The following CLSTN1 variants were observed in gnomAD, a reference collection of about 807,000 sequenced individuals.
CLSTN1 encodes calsyntenin-1.
In CLSTN1, 28 loss-of-function variants were observed where a neutral mutation model predicts 108.3. The ratio of observed to expected loss-of-function variants is 0.26; its 90% CI spans 0.19 to 0.35. CLSTN1 has a LOEUF of 0.35. Among genes scored for constraint, CLSTN1 ranks in the 10% least tolerant of loss-of-function variants. The probability of loss-of-function intolerance (pLI) is 1.00; values close to 1 mark genes in which losing one functional copy is unlikely to be tolerated. For missense variants in CLSTN1, 1,157 were observed against 1,302.6 expected, an observed-to-expected ratio of 0.89 and a Z score of 1.72; for synonymous variants, 524 against 534.9, an observed-to-expected ratio of 0.98 and a Z score of 0.28.
intron 1 of CLSTN1, among the ~76,000 whole-genome samples, chr1:9,806,076 G>T (rs1316487520): frequency 6.6e-6 from 1 of 151,898 alleles, no homozygotes; most frequent in Non-Finnish European, 1.5e-5. Context: ...GATCGCTTGA[G>T]GTCAGGAGTT....
chr1:9,820,713 C>T (rs1003430530), intron 1 of CLSTN1, among the ~76,000 whole-genome samples: 1 of 151,974 alleles, frequency 6.6e-6, no homozygotes. Flanking sequence ...GTGCTGGTGA[C>T]GGGAAACATA....
intron 1 of CLSTN1, among the ~76,000 whole-genome samples, chr1:9,792,689 G>T (rs1653821979): frequency 1.3e-5 from 2 of 151,560 alleles, no homozygotes; most frequent in East Asian, 2.0e-4. Context: ...GAATACCCCA[G>T]AGAGGATGCG....
chr1:9,813,828 G>A (rs547772877), intron 1 of CLSTN1, among the ~76,000 whole-genome samples: 25 of 152,048 alleles, frequency 1.6e-4, no homozygotes, highest in African/African-American at 5.5e-4. Context: ...GGCTGGGCGC[G>A]GTGGCTCGCA....
At chr1:9,805,584 A>G (rs567268702) in intron 1 of CLSTN1, among the ~76,000 whole-genome samples, 17 of 152,292 alleles carry the variant, frequency 1.1e-4, no homozygotes, top group Admixed American at 9.8e-4. Context: ...TGTGTTATTT[A>G]GGTTGGGCAC....
intron 1 of CLSTN1, among the ~76,000 whole-genome samples, chr1:9,806,191 G>A (rs1412520389): frequency 2.0e-5 from 3 of 151,640 alleles, no homozygotes; most frequent in Admixed American, 1.3e-4. Flanking sequence ...TCCAGAGGCT[G>A]AGGCAGGAGA....
intron 1 of CLSTN1, among the ~76,000 whole-genome samples, chr1:9,801,633 C>A (rs903192350): frequency 1.3e-5 from 2 of 152,200 alleles, no homozygotes; most frequent in African/African-American, 4.8e-5. Flanking sequence ...CGGCTCACTG[C>A]AACCTCTGCC....
At chr1:9,798,304 T>A (rs1005831267) in intron 1 of CLSTN1, among the ~76,000 whole-genome samples, 1 of 152,026 alleles carries the variant, frequency 6.6e-6, no homozygotes, top group African/African-American at 2.4e-5. Flanking sequence ...GCAGCACTAT[T>A]CACAACAGCC....
At chr1:9,796,132 G>T (rs1342902297) in intron 1 of CLSTN1, among the ~76,000 whole-genome samples, 4 of 150,368 alleles carry the variant, frequency 2.7e-5, no homozygotes, top group Non-Finnish European at 5.9e-5. Flanking sequence ...CGTGGTGGTG[G>T]GCGCCTGTAA....
chr1:9,730,808 G>T lies in CLSTN1; in HGVS notation c.2749-103C>A. The T allele has an allele frequency of 9.0e-7, 1 of 1,111,684 alleles. No individual in the cohort carries two copies. The highest frequency in any genetic ancestry group is 1.3e-6 in the Non-Finnish European group (1 of 766,794). 68.9% of individuals were successfully genotyped at this position (1,111,684 alleles called of 1,614,324 possible). ...CACAGAGGAAGGAGAACTTGCCCCA[G>T]CGTCTCCCTCCCCAGCGACAGAGCA... On this transcript the variant is annotated intron_variant, in intron 18 of 18. Transcript: ENST00000377298. The surrounding 1 kb of genome is among the most constrained non-coding windows in gnomAD (Gnocchi z 5.6).
intron 1 of CLSTN1, among the ~76,000 whole-genome samples, chr1:9,791,827 T>C (rs529446685): frequency 6.7e-6 from 1 of 150,288 alleles, no homozygotes; most frequent in African/African-American, 2.4e-5. Flanking sequence ...AGCCACCACA[T>C]GCGGCCCCAA....
At chr1:9,799,958 A>G (rs925505914) in intron 1 of CLSTN1, among the ~76,000 whole-genome samples, 2 of 152,202 alleles carry the variant, frequency 1.3e-5, no homozygotes, top group East Asian at 3.8e-4. Context: ...ACAAACAAAC[A>G]AAAAACCACA....
intron 1 of CLSTN1, among the ~76,000 whole-genome samples, chr1:9,803,277 G>A (rs925588788): frequency 5.9e-5 from 9 of 152,128 alleles, no homozygotes; most frequent in Admixed American, 1.3e-4. Flanking sequence ...GGATTTATGG[G>A]ATATAGTCTA....
chr1:9,762,745 G>A (rs549389286), intron 2 of CLSTN1, among the ~76,000 whole-genome samples: 6 of 150,718 alleles, frequency 4.0e-5, no homozygotes, highest in South Asian at 4.2e-4. Context: ...CTGGGTGTCC[G>A]GGCTGTCCCT....
Position 9,772,237 on chromosome 1 carries a change from G to A in CLSTN1, c.214+1035C>T, listed in dbSNP as rs184898375. ...CCTGACCTTGTGACCCGCCCGCCTC[G>A]GCCTCCCAGAGTGCTGGCACAGGCA... On this transcript the variant is annotated intron_variant, in intron 2 of 18. Transcript: ENST00000377298. Among the ~76,000 whole-genome samples the A allele has an allele frequency of 1.3e-3, 197 of 148,258 alleles. 7 individuals are homozygous for A. The South Asian group carries it at 0.016, about 12-fold the overall frequency.
At chr1:9,822,213 C>T (rs1557731377) in intron 1 of CLSTN1, among the ~76,000 whole-genome samples, 2 of 152,186 alleles carry the variant, frequency 1.3e-5, no homozygotes, top group African/African-American at 4.8e-5. Flanking sequence ...CTGGAAAGAA[C>T]ATTTCAAACT....
In CLSTN1 at chr1:9,735,800, A is replaced by T. The variant is rs1650655278; in HGVS notation, c.1734+85T>A. 5 of 1,546,224 alleles carry T rather than the reference A, an allele frequency of 3.2e-6. No individual in the cohort carries two copies. In the East Asian group the frequency reaches 1.1e-4, roughly 35 times the overall value. On this transcript the variant is annotated intron_variant, in intron 12 of 18. Transcript: ENST00000377298. ...CCAACAGTAAACGTATCAATCACAG[A>T]TTACTCACTCCCTCATCCCACCAGC...
intron 7 of CLSTN1, among the ~76,000 whole-genome samples, chr1:9,745,582 A>G (rs937280657): frequency 6.6e-6 from 1 of 151,494 alleles, no homozygotes; most frequent in Non-Finnish European, 1.5e-5. Context: ...ACTTGAGCCC[A>G]GGAGGTTGAG....
Position 9,749,980 on chromosome 1 carries a change from C to T in CLSTN1, c.650-67G>A, listed in dbSNP as rs551527672. The stretch of plus-strand genomic sequence containing the variant: ...CTGGTTTTACTTTTGTTGTCCTAGG[C>T]GGAAAGACAAAATGCATAGGCTTTA... On this transcript the variant is annotated intron_variant, in intron 5 of 18. Coordinates refer to ENST00000377298, the MANE Select transcript of CLSTN1 (RefSeq NM_001009566.3). 1.2e-4 allele frequency: 166 copies of T among 1,380,766 alleles called. No homozygotes were observed. The East Asian group carries it at 1.3e-3, about 11-fold the overall frequency. 85.5% of individuals were successfully genotyped at this position (1,380,766 alleles called of 1,614,324 possible).
chr1:9,731,244 C>T lies in CLSTN1; in HGVS notation c.2710G>A (p.Asp904Asn). 1 of 1,614,258 alleles carries T rather than the reference C, an allele frequency of 6.2e-7. No homozygotes were observed. Residue 904 changes from aspartate to asparagine, a missense_variant, in exon 18 of 19, where the codon GAC becomes AAC. By Grantham distance (23) the Asp-to-Asn change is conservative. Coordinates refer to ENST00000377298, the MANE Select transcript of CLSTN1 (RefSeq NM_001009566.3). ...ACGGTGATGGTCAGGGCAGAGTCGT[C>T]CCAGTCCATCTCGTTCTCCTTCCCG... Reference protein sequence around the residue: ...DTGKENEMDWDDSALTITVNP... With the variant: ...DTGKENEMDWNDSALTITVNP...
Sources: gnomAD v4.1 joint callset for allele counts (sites outside exome capture counted in the v4.1 genomes callset) on GRCh38, gnomAD v4.1.1 for gene constraint, Gnocchi (gnomAD v3.1) non-coding constraint, MANE v1.5 for transcripts, NCBI Gene and HGNC (gene_info 2026-07-23, HGNC 2026-07-21) for gene names.